Variants in TBC1D1 observed in about 807,000 individuals in gnomAD.
The protein encoded by TBC1D1 is TBC1 (tre-2/USP6, BUB2, cdc16) domain family, member 1.
In TBC1D1, 89 loss-of-function variants were observed where a neutral mutation model predicts 125.6. The ratio of observed to expected loss-of-function variants is 0.71; its 90% CI spans 0.60 to 0.85. The LOEUF (loss-of-function observed/expected upper bound fraction) is 0.85, where lower values mean the gene tolerates loss of function less well. Ranked by LOEUF, TBC1D1 falls within the 40% of genes least tolerant of loss-of-function variation. TBC1D1 has a pLI of 0.00. For synonymous variants in TBC1D1, 565 were observed against 564.1 expected (o/e 1.00, Z -0.02); for missense variants, 1,377 against 1,469.2 (o/e 0.94, Z 1.03).
At chr4:38,098,367 A>G (rs970400967) in intron 14 of TBC1D1, among the ~76,000 whole-genome samples, 1 of 152,172 alleles carries the variant, frequency 6.6e-6, no homozygotes, top group African/African-American at 2.4e-5. Context: ...GCGAAAGGCA[A>G]ATTGCATGGG....
At chr4:38,047,049 C>A (rs1466131141) in intron 10 of TBC1D1, among the ~76,000 whole-genome samples, 1 of 152,222 alleles carries the variant, frequency 6.6e-6, no homozygotes, top group Non-Finnish European at 1.5e-5. Flanking sequence ...CACATACCTA[C>A]ACATTCACAC....
chr4:37,918,558 C>T (rs1720211164), intron 2 of TBC1D1, among the ~76,000 whole-genome samples: 1 of 152,064 alleles, frequency 6.6e-6, no homozygotes, highest in Admixed American at 6.6e-5. Context: ...AGCGATTCTC[C>T]TGTCTCAGCC....
At chr4:37,950,017 T>C (rs1727512600) in intron 2 of TBC1D1, among the ~76,000 whole-genome samples, 1 of 152,108 alleles carries the variant, frequency 6.6e-6, no homozygotes, top group Admixed American at 6.6e-5. Flanking sequence ...CCTGTGTCTT[T>C]ATTTACATGC....
At chr4:37,957,765 T>C (rs77808929) in intron 2 of TBC1D1, among the ~76,000 whole-genome samples, 3,826 of 152,298 alleles carry the variant, frequency 0.025, 148 homozygotes, top group African/African-American at 0.088. Context: ...TTATTGCTCA[T>C]TATTACTTTT....
intron 2 of TBC1D1, among the ~76,000 whole-genome samples, chr4:37,939,515 T>C (rs1327829004): frequency 6.6e-6 from 1 of 152,222 alleles, no homozygotes; most frequent in Non-Finnish European, 1.5e-5. Context: ...GTGCAGAAGC[T>C]CTTTAGTTTC....
At chr4:38,011,379 A>G (rs1157558184) in intron 2 of TBC1D1, among the ~76,000 whole-genome samples, 1 of 152,002 alleles carries the variant, frequency 6.6e-6, no homozygotes. Context: ...GAAAAAGAAA[A>G]AAAGAAAAAA....
intron 2 of TBC1D1, among the ~76,000 whole-genome samples, chr4:37,919,939 C>T (rs1028601595): frequency 2.0e-5 from 3 of 152,056 alleles, no homozygotes; most frequent in African/African-American, 7.2e-5. Flanking sequence ...GGTGCAACTC[C>T]GTCTCTACTG....
intron 12 of TBC1D1, among the ~76,000 whole-genome samples, chr4:38,084,419 T>G (rs560131311): frequency 6.6e-6 from 1 of 152,272 alleles, no homozygotes; most frequent in Non-Finnish European, 1.5e-5. Flanking sequence ...GCATATCTGC[T>G]GTTTCCCAGG....
At chr4:38,084,371 T>G (rs1162106967) in intron 12 of TBC1D1, among the ~76,000 whole-genome samples, 2 of 152,258 alleles carry the variant, frequency 1.3e-5, no homozygotes, top group Non-Finnish European at 2.9e-5. Context: ...GAGAGTGGAC[T>G]TGGGCAAATG....
chr4:38,033,799 C>CT (rs1217371768), intron 7 of TBC1D1, among the ~76,000 whole-genome samples: 2 of 152,190 alleles, frequency 1.3e-5, no homozygotes, highest in Non-Finnish European at 2.9e-5. Flanking sequence ...ACACAGTAGC[C>CT]TTTTCAGACT....
At chr4:37,927,801 G>A (rs950466850) in intron 2 of TBC1D1, among the ~76,000 whole-genome samples, 2 of 152,162 alleles carry the variant, frequency 1.3e-5, no homozygotes, top group Non-Finnish European at 2.9e-5. Flanking sequence ...GGAGGCTGAC[G>A]CGGGAGGATC....
Position 38,100,983 on chromosome 4 carries a change from C to T in TBC1D1, c.2399-2016C>T, listed in dbSNP as rs1371521196. Among the ~76,000 whole-genome samples the T allele has an allele frequency of 4.6e-5, 7 of 152,276 alleles. 1 individual carries two copies. The East Asian group carries it at 5.8e-4, about 13-fold the overall frequency. On this transcript the variant is annotated intron_variant, in intron 14 of 19. Transcript: ENST00000261439. ...TCAGCATCCCTGGGCTGTCACTCACCGGCCTAATGACCTAGGGCAAGGGAC... is the reference window on the plus strand; with the variant it reads ...TCAGCATCCCTGGGCTGTCACTCACTGGCCTAATGACCTAGGGCAAGGGAC...
Position 38,137,523 on chromosome 4 carries a change from G to T in TBC1D1, c.*188G>T, listed in dbSNP as rs1211354525. The T allele has an allele frequency of 1.9e-5, 15 of 803,518 alleles. No individual in the cohort carries two copies. The highest frequency in any genetic ancestry group is 3.1e-5 in the East Asian group (1 of 32,216). The allele number at this position is 803,518 out of a possible 1,614,324, so 49.8% of individuals were successfully genotyped here. A position where few individuals can be genotyped will look rare whatever the true frequency, so the allele number is the denominator to read the frequency against. ...GGGGGCATGTCCCAGTGTTTTTTTT[G>T]TTGTTTTTAGATACTAAATCGTCCC... On this transcript the variant is annotated 3_prime_UTR_variant, in exon 20 of 20. Coordinates refer to ENST00000261439, the MANE Select transcript of TBC1D1 (RefSeq NM_015173.4).
intron 2 of TBC1D1, among the ~76,000 whole-genome samples, chr4:37,988,341 C>A (rs1486407398): frequency 6.6e-6 from 1 of 152,152 alleles, no homozygotes; most frequent in Non-Finnish European, 1.5e-5. Flanking sequence ...GATTGTCTAC[C>A]TTTGATAAGG....
chr4:37,898,211 G>A (rs1040948572), intron 1 of TBC1D1, among the ~76,000 whole-genome samples: 1 of 152,148 alleles, frequency 6.6e-6, no homozygotes, highest in Admixed American at 6.5e-5. Context: ...AGAAGCTTAC[G>A]GTCTTCTTGA....
rs762169021 is a variant in TBC1D1 at position 38,115,765 on chromosome 4, A to C, written c.2613A>C (p.Leu871=). ...CTGCCCAGCTTGGAGCAGGACAGCTATCGCTTTACAACATTTTGAAGGCCT... is the reference window on the plus strand; with the variant it reads ...CTGCCCAGCTTGGAGCAGGACAGCTCTCGCTTTACAACATTTTGAAGGCCT... The change falls in exon 16 of 20, where the codon CTA becomes CTC. Residue 871 remains leucine (L), a synonymous_variant. Coordinates refer to ENST00000261439, the MANE Select transcript of TBC1D1 (RefSeq NM_015173.4). 1 of 1,614,186 alleles carries C rather than the reference A, an allele frequency of 6.2e-7. No individual in the cohort carries two copies. The highest frequency in any genetic ancestry group is 8.5e-7 in the Non-Finnish European group (1 of 1,180,028).
At chr4:38,022,983 G>A (rs967058918) in intron 6 of TBC1D1, among the ~76,000 whole-genome samples, 1 of 152,178 alleles carries the variant, frequency 6.6e-6, no homozygotes, top group African/African-American at 2.4e-5. Flanking sequence ...TGGGGAGGCT[G>A]AGGTGGGCAG....
rs989196281 is a variant in TBC1D1, at chr4:38,055,790, G to T, written c.2050+1452G>T. On this transcript the variant is annotated intron_variant, in intron 12 of 19. Coordinates refer to ENST00000261439, the MANE Select transcript of TBC1D1 (RefSeq NM_015173.4). ...GAGAGGTCTGCTTACCGCAAAGAAG[G>T]GCTCTTCCTCCCAGGTCCTGTAGCA... is the stretch of plus-strand genomic sequence containing the variant. Among the ~76,000 whole-genome samples the T allele has an allele frequency of 2.6e-5, 4 of 152,262 alleles. No homozygotes were observed. In the South Asian group the frequency reaches 8.3e-4, roughly 32 times the overall value.
chr4:38,003,817 A>G (rs1267190179), intron 2 of TBC1D1, among the ~76,000 whole-genome samples: 1 of 150,812 alleles, frequency 6.6e-6, no homozygotes, highest in Admixed American at 6.6e-5. Context: ...GTGGTGAGCT[A>G]TGATTGTGCC....
Sources: allele counts gnomAD v4.1 joint callset (sites outside exome capture counted in the v4.1 genomes callset), GRCh38; gene constraint gnomAD v4.1.1; transcripts MANE v1.5; gene names NCBI Gene and HGNC (gene_info 2026-07-23, HGNC 2026-07-21).